The following NUP107 variants were observed in gnomAD, a reference collection of about 807,000 sequenced individuals.
NUP107 encodes the protein nuclear pore complex protein Nup107.
NUP107 carries 101 observed loss-of-function variants against 141.0 expected under a neutral mutation model. That is an observed-to-expected ratio of 0.72 (90% CI 0.61 to 0.84). The LOEUF is 0.84. NUP107 is among the 40% of genes least tolerant of loss of function. The probability of loss-of-function intolerance (pLI) is 0.00; values close to 1 mark genes in which losing one functional copy is unlikely to be tolerated. For synonymous variants in NUP107, 319 were observed against 363.9 expected (o/e 0.88, Z 1.41); for missense variants, 941 against 1,102.7 (o/e 0.85, Z 2.08).
chr12:68,737,394 G>A (rs1878120940), intron 26 of NUP107, among the ~76,000 whole-genome samples: 1 of 151,680 alleles, frequency 6.6e-6, no homozygotes. Context: ...GGGAAACCCC[G>A]TTTCTACTAA....
At chr12:68,701,732 A>C (rs1876340091) in intron 7 of NUP107, among the ~76,000 whole-genome samples, 1 of 152,182 alleles carries the variant, frequency 6.6e-6, no homozygotes, top group Non-Finnish European at 1.5e-5. Flanking sequence ...GTGTATATTC[A>C]TTGACATGGA....
At chr12:68,717,141 G>A (rs934769408) in intron 12 of NUP107, among the ~76,000 whole-genome samples, 2 of 151,850 alleles carry the variant, frequency 1.3e-5, no homozygotes, top group Admixed American at 6.6e-5. Flanking sequence ...CAGGCAGTCC[G>A]CCTACCTCAG....
At chr12:68,721,803 A>C in intron 15 of NUP107, 38 bp from the exon 16 acceptor site, 1 of 1,590,022 alleles carries the variant, frequency 6.3e-7, no homozygotes, top group African/African-American at 1.4e-5. Flanking sequence ...TTTCTGTTGA[A>C]TATGTCTATA....
intron 14 of NUP107, among the ~76,000 whole-genome samples, chr12:68,720,166 G>C (rs1294517760): frequency 6.6e-6 from 1 of 152,036 alleles, no homozygotes; most frequent in East Asian, 1.9e-4. Flanking sequence ...ATAGGGAAAT[G>C]GAGTTAAGAG....
At chr12:68,724,971 G>A (rs1877499756) in intron 17 of NUP107, among the ~76,000 whole-genome samples, 1 of 152,152 alleles carries the variant, frequency 6.6e-6, no homozygotes, top group African/African-American at 2.4e-5. Flanking sequence ...CTTAACAGAT[G>A]TCAGAGGTGA....
Position 68,726,861 on chromosome 12 carries a change from G to A in NUP107, c.1695+244G>A, listed in dbSNP as rs10878858. Reference sequence around the variant, plus strand: ...TTAATAAATTCATAACTTTATCCTTGTCTGTACCCAGCTTTAAATCAACCA... The same window carrying A: ...TTAATAAATTCATAACTTTATCCTTATCTGTACCCAGCTTTAAATCAACCA... On this transcript the variant is annotated intron_variant, in intron 19 of 27. Transcript: ENST00000229179. Among the ~76,000 whole-genome samples the A allele has an allele frequency of 0.31, 46,465 of 151,986 alleles. 7,166 individuals are homozygous for A. Among genetic ancestry groups the A allele is most frequent in the Middle Eastern group, 0.34 (100 of 294 alleles).
chr12:68,714,779 G>A (rs949355602), intron 11 of NUP107, among the ~76,000 whole-genome samples: 6 of 152,200 alleles, frequency 3.9e-5, no homozygotes, highest in Admixed American at 3.3e-4. Flanking sequence ...TGTTTTGGGA[G>A]ATTTGTACTT....
intron 23 of NUP107, among the ~76,000 whole-genome samples, chr12:68,733,205 A>G (rs1877915055): frequency 6.6e-6 from 1 of 152,160 alleles, no homozygotes; most frequent in Admixed American, 6.5e-5. Context: ...TGAAAAATGA[A>G]TTGCTTTAAG....
chr12:68,692,048 C>T lies in NUP107; in HGVS notation c.384C>T (p.His128=), dbSNP rs755608882. The change falls in exon 5 of 28, where the codon CAC becomes CAT. Residue 128 remains histidine (H), a synonymous_variant. Transcript: ENST00000229179. ...RSGLFTNTEP[H]SITEDVTISA... ...GGCTGTTCACAAACACAGAGCCCCA[C>T]AGTATAACAGAAGATGTAACTATCA... The T allele has an allele frequency of 1.2e-6, 2 of 1,611,944 alleles. No homozygotes were observed. Among genetic ancestry groups the T allele is most frequent in the Admixed American group, 1.7e-5 (1 of 59,596 alleles).
rs891285745 is a variant in NUP107, at chr12:68,742,599, G to A, written c.*137G>A. 5.3e-5 allele frequency: 24 copies of A among 457,042 alleles called. No individual in the cohort carries two copies. The highest frequency in any genetic ancestry group is 4.5e-4 in the African/African-American group (22 of 48,852). The allele number at this position is 457,042 out of a possible 1,614,324, so 28.3% of individuals were successfully genotyped here. On this transcript the variant is annotated 3_prime_UTR_variant, in exon 28 of 28. Transcript: ENST00000229179. The stretch of plus-strand genomic sequence containing the variant: ...ATTTTGTACTTTTCAGAATATTATC[G>A]TGACACTTTCAACATGTAGGGATAT...
At position 68,709,253 on chromosome 12, in the gene NUP107, G is replaced by GA. The variant is rs1876732414; in HGVS notation, c.751dup (p.Thr251AsnfsTer30). ...TTCATAATAGGCTGTTAATGCCAGTGAAAAAACAGTTGTGGAAGCGTTATT... is the reference window on the plus strand; with the variant it reads ...TTCATAATAGGCTGTTAATGCCAGTGAAAAAAACAGTTGTGGAAGCGTTATT... On this transcript the variant is annotated frameshift_variant, in exon 9 of 28. Transcript: ENST00000229179. LOFTEE classifies it high-confidence loss of function. 2 of 1,600,528 alleles carry GA rather than the reference G, an allele frequency of 1.2e-6. No homozygotes were observed. The highest frequency in any genetic ancestry group is 1.7e-5 in the Admixed American group (1 of 57,568).
chr12:68,695,568 A>G (rs981920175), intron 5 of NUP107, among the ~76,000 whole-genome samples: 8 of 152,228 alleles, frequency 5.3e-5, no homozygotes, highest in Non-Finnish European at 1.2e-4. Context: ...AGAATAGTCA[A>G]CACATGTAGG....
intron 8 of NUP107, chr12:68,705,950 T>A: frequency 1.1e-6 from 1 of 908,560 alleles, no homozygotes; most frequent in South Asian, 1.3e-5. Context: ...GCCTCCTTCA[T>A]TGACAAGGTA....
chr12:68,717,837 T>C (rs1387075659), intron 12 of NUP107, among the ~76,000 whole-genome samples: 3 of 152,234 alleles, frequency 2.0e-5, no homozygotes, highest in Non-Finnish European at 4.4e-5. Context: ...CATATCAAAA[T>C]AGTTTTCCAT....
At chr12:68,730,803 A>G (rs549121187) in intron 20 of NUP107, among the ~76,000 whole-genome samples, 1 of 150,784 alleles carries the variant, frequency 6.6e-6, no homozygotes, top group East Asian at 1.9e-4. Flanking sequence ...CATCTCTACT[A>G]AAAAAAAATA....
chr12:68,731,407 C>A, intron 21 of NUP107, 147 bp downstream of exon 21: 1 of 833,956 alleles, frequency 1.2e-6, no homozygotes, highest in Non-Finnish European at 1.7e-6. Flanking sequence ...TGTTTTAGGA[C>A]TAAAGTTACT....
chr12:68,742,327 C>T (rs913954698), intron 27 of NUP107, 28 bp from the exon 28 acceptor site: 2 of 1,408,458 alleles, frequency 1.4e-6, no homozygotes, highest in African/African-American at 2.8e-5. Context: ...TCTTTGTTCT[C>T]ATTCTTATTT....
Position 68,742,417 on chromosome 12 carries a change from C to G in NUP107, c.2733C>G (p.Leu911=), listed in dbSNP as rs199944049. Residue 911 remains leucine (L), a synonymous_variant, in exon 28 of 28, where the codon CTC becomes CTG. Transcript: ENST00000229179. The part of the protein sequence containing the change: ...LQKLRESSLM[L]LDQGLDPLGY... ...AGCTCAGAGAGTCCTCTCTAATGCT[C>G]CTAGACCAGGGACTTGACCCATTAG... is the stretch of plus-strand genomic sequence containing the variant. The G allele has an allele frequency of 1.9e-6, 3 of 1,609,278 alleles. No homozygotes were observed. The East Asian group carries it at 6.7e-5, about 36-fold the overall frequency.
intron 14 of NUP107, among the ~76,000 whole-genome samples, chr12:68,719,992 G>A (rs1412752197): frequency 6.6e-6 from 1 of 152,168 alleles, no homozygotes; most frequent in Non-Finnish European, 1.5e-5. Context: ...CAAGAGGAAG[G>A]AATTCCAGGT....
Sources: gnomAD v4.1 joint callset for allele counts (sites outside exome capture counted in the v4.1 genomes callset) on GRCh38, gnomAD v4.1.1 for gene constraint, MANE v1.5 for transcripts, NCBI Gene and HGNC (gene_info 2026-07-23, HGNC 2026-07-21) for gene names.